CDH12: variants seen among roughly 807,000 people sequenced by gnomAD.
CDH12 encodes the protein cadherin 12, also known as cadherin-12.
In CDH12, 41 loss-of-function variants were observed where a neutral mutation model predicts 74.1. The ratio of observed to expected loss-of-function variants is 0.55; its 90% CI spans 0.43 to 0.72. CDH12 has a LOEUF of 0.72. Ranked by LOEUF, CDH12 falls within the 30% of genes least tolerant of loss-of-function variation. CDH12 has a pLI of 0.00. For missense variants in CDH12, 945 were observed against 977.2 expected (o/e 0.97, Z 0.44); for synonymous variants, 399 against 355.0 (o/e 1.12, Z -1.39).
intron 10 of CDH12, among the ~76,000 whole-genome samples, chr5:21,791,816 T>G (rs567714057): frequency 2.4e-3 from 359 of 151,960 alleles, no homozygotes; most frequent in South Asian, 3.1e-3. Flanking sequence ...CTTTAAAATT[T>G]TTATTCTATT....
chr5:22,455,637 A>G (rs1251397187), intron 2 of CDH12, among the ~76,000 whole-genome samples: 2 of 152,192 alleles, frequency 1.3e-5, no homozygotes, highest in Non-Finnish European at 2.9e-5. Context: ...GAAGTTTGAG[A>G]CAGAGATATA....
chr5:22,042,498 G>A (rs1044414638), intron 5 of CDH12, among the ~76,000 whole-genome samples: 3 of 151,980 alleles, frequency 2.0e-5, no homozygotes, highest in Non-Finnish European at 4.4e-5. Context: ...ATGGTCATAC[G>A]AGACTACTAT....
chr5:22,190,057 G>GTTGCAA (rs1172858198), intron 4 of CDH12, among the ~76,000 whole-genome samples: 2 of 151,994 alleles, frequency 1.3e-5, no homozygotes, highest in East Asian at 1.9e-4. Context: ...GGCCAACAGA[G>GTTGCAA]TTGCAATTAA....
chr5:22,832,416 G>A (rs1370111630), intron 1 of CDH12, among the ~76,000 whole-genome samples: 1 of 152,074 alleles, frequency 6.6e-6, no homozygotes, highest in East Asian at 1.9e-4. Flanking sequence ...TAAGAAATTG[G>A]CCACGGCTTT....
At chr5:22,845,376 C>G (rs960193358) in intron 1 of CDH12, among the ~76,000 whole-genome samples, 3 of 152,102 alleles carry the variant, frequency 2.0e-5, no homozygotes, top group Admixed American at 6.6e-5. Context: ...AAGATATCCA[C>G]TTTTAACATA....
intron 3 of CDH12, among the ~76,000 whole-genome samples, chr5:22,246,267 G>A (rs918163295): frequency 1.3e-5 from 2 of 152,058 alleles, no homozygotes; most frequent in African/African-American, 4.8e-5. Context: ...CATTTATCAG[G>A]AAGACATAGT....
rs144655745 is a variant in CDH12 at position 22,121,116 on chromosome 5, T to C, written c.-186-42254A>G. On this transcript the variant is annotated intron_variant, in intron 4 of 14. Coordinates refer to ENST00000382254, the MANE Select transcript of CDH12 (RefSeq NM_004061.5). ...AAAATTCAGACTTATATCTATATTA[T>C]GAGCAAGAAAGAGCTCTTTTCTACT... Among the ~76,000 whole-genome samples the C allele has an allele frequency of 3.8e-3, 585 of 152,296 alleles. 3 individuals are homozygous for C. The highest frequency in any genetic ancestry group is 0.013 in the African/African-American group (540 of 41,574).
intron 1 of CDH12, among the ~76,000 whole-genome samples, chr5:22,770,271 C>CA (rs1343153834): frequency 3.3e-5 from 5 of 152,222 alleles, no homozygotes; most frequent in African/African-American, 1.2e-4. Flanking sequence ...AGTAGGACAA[C>CA]AGATTAAAGA....
intron 4 of CDH12, among the ~76,000 whole-genome samples, chr5:22,095,034 A>T (rs1013907185): frequency 1.3e-5 from 2 of 152,276 alleles, no homozygotes; most frequent in African/African-American, 4.8e-5. Context: ...AAGCCTGTTT[A>T]GTGGTCTCTT....
At chr5:22,501,386 C>T (rs1246493349) in intron 2 of CDH12, among the ~76,000 whole-genome samples, 3 of 152,100 alleles carry the variant, frequency 2.0e-5, no homozygotes, top group African/African-American at 4.8e-5. Context: ...TTGTAGTAAA[C>T]CTGTTTTAAT....
At chr5:21,829,227 G>A (rs996969586) in intron 8 of CDH12, among the ~76,000 whole-genome samples, 3 of 152,134 alleles carry the variant, frequency 2.0e-5, no homozygotes, top group South Asian at 4.1e-4. Flanking sequence ...CCCAGGAGGC[G>A]GAGGCTGCAG....
chr5:22,794,600 G>A (rs1178924011), intron 1 of CDH12, among the ~76,000 whole-genome samples: 1 of 152,032 alleles, frequency 6.6e-6, no homozygotes, highest in Non-Finnish European at 1.5e-5. Flanking sequence ...AATATTCACA[G>A]AAAAGGACCA....
At chr5:21,964,013 T>C in intron 6 of CDH12, among the ~76,000 whole-genome samples, 1 of 151,962 alleles carries the variant, frequency 6.6e-6, no homozygotes, top group Non-Finnish European at 1.5e-5. Context: ...AGGTGACTTA[T>C]TAGGAAAAAT....
intron 5 of CDH12, among the ~76,000 whole-genome samples, chr5:22,073,686 A>T (rs1377855682): frequency 6.6e-6 from 1 of 152,158 alleles, no homozygotes; most frequent in East Asian, 1.9e-4. Context: ...ATTTGTATAC[A>T]AAGTAAAGTA....
intron 11 of CDH12, among the ~76,000 whole-genome samples, chr5:21,774,811 G>A (rs1005035251): frequency 3.9e-5 from 6 of 152,166 alleles, no homozygotes; most frequent in Non-Finnish European, 5.9e-5. Context: ...ATTTGGAATT[G>A]AAACCAATGG....
chr5:21,836,901 G>A (rs1312139580), intron 8 of CDH12, among the ~76,000 whole-genome samples: 1 of 151,784 alleles, frequency 6.6e-6, no homozygotes, highest in Non-Finnish European at 1.5e-5. Flanking sequence ...CTTTTAATAT[G>A]GCATGTATCA....
intron 6 of CDH12, among the ~76,000 whole-genome samples, chr5:21,955,770 T>A (rs1756067838): frequency 6.6e-6 from 1 of 152,066 alleles, no homozygotes; most frequent in South Asian, 2.1e-4. Flanking sequence ...GTAGCTTGGA[T>A]CCACTACTTG....
intron 1 of CDH12, among the ~76,000 whole-genome samples, chr5:22,751,999 G>A (rs957646006): frequency 1.3e-5 from 2 of 152,068 alleles, no homozygotes; most frequent in Non-Finnish European, 2.9e-5. Flanking sequence ...TAAACAAAGT[G>A]AGCTCACAGA....
intron 3 of CDH12, among the ~76,000 whole-genome samples, chr5:22,225,501 T>C (rs1370350124): frequency 2.0e-5 from 3 of 152,124 alleles, no homozygotes; most frequent in African/African-American, 7.2e-5. Flanking sequence ...GCTTTGAATA[T>C]TTTTTATTTT....
Sources: gnomAD v4.1 joint callset for allele counts (sites outside exome capture counted in the v4.1 genomes callset) on GRCh38, gnomAD v4.1.1 for gene constraint, MANE v1.5 for transcripts, NCBI Gene and HGNC (gene_info 2026-07-23, HGNC 2026-07-21) for gene names.